Variants in LYPLA1 observed in about 807,000 individuals in gnomAD.
LYPLA1 encodes the protein acyl-protein thioesterase 1.
A neutral mutation model predicts 34.0 loss-of-function variants in LYPLA1; 17 were observed. The ratio of observed to expected loss-of-function variants is 0.50; its 90% CI spans 0.34 to 0.75. The LOEUF (loss-of-function observed/expected upper bound fraction) is 0.75. Ranked by LOEUF, LYPLA1 falls within the 30% of genes least tolerant of loss-of-function variation. The probability of loss-of-function intolerance (pLI) is 0.01; values close to 1 mark genes in which losing one functional copy is unlikely to be tolerated. For missense variants in LYPLA1, 203 were observed against 288.8 expected (o/e 0.70, Z 2.15); for synonymous variants, 98 against 100.8 (o/e 0.97, Z 0.17).
intron 6 of LYPLA1, chr8:54,052,969 C>T (rs1805950841): frequency 6.2e-6 from 3 of 480,900 alleles, no homozygotes; most frequent in East Asian, 2.9e-5. Flanking sequence ...TCCTTTCCGA[C>T]GAGACATAGT....
At chr8:54,073,217 A>G in intron 2 of LYPLA1, 1 of 802,784 alleles carries the variant, frequency 1.2e-6, no homozygotes, top group Non-Finnish European at 2.3e-6. Context: ...CCGCCCAGGG[A>G]GATACAGGAC....
In LYPLA1 at chr8:54,068,551, A is replaced by G. The variant is rs546081387; in HGVS notation, c.102-2738T>C. On this transcript the variant is annotated intron_variant, in intron 2 of 8. Transcript: ENST00000316963. ...ACCGAAAATCCAGAAATAAAACCTCACATTTACTGTCAAACTTATTTCTGA... is the reference window on the plus strand; with the variant it reads ...ACCGAAAATCCAGAAATAAAACCTCGCATTTACTGTCAAACTTATTTCTGA... Among the ~76,000 whole-genome samples, 3 of 152,326 alleles carry G rather than the reference A, an allele frequency of 2.0e-5. No homozygotes were observed. In the East Asian group the frequency reaches 5.8e-4, roughly 29 times the overall value.
intron 2 of LYPLA1, chr8:54,073,232 A>T (rs1807627856): frequency 1.2e-6 from 1 of 841,870 alleles, no homozygotes; most frequent in African/African-American, 1.7e-5. Context: ...CAGGACAGTA[A>T]GGAACTAAAC....
chr8:54,086,636 G>A (rs1416002322), intron 2 of LYPLA1, among the ~76,000 whole-genome samples: 1 of 151,538 alleles, frequency 6.6e-6, no homozygotes, highest in African/African-American at 2.4e-5. Flanking sequence ...CCCAAAGTGG[G>A]GGGATTGCTT....
chr8:54,075,428 A>G (rs1453371263), intron 2 of LYPLA1, among the ~76,000 whole-genome samples: 1 of 152,200 alleles, frequency 6.6e-6, no homozygotes, highest in Non-Finnish European at 1.5e-5. Context: ...GAGCATCCCG[A>G]GGGCCCCCTG....
Position 54,101,776 on chromosome 8 carries a change from G to T in LYPLA1, c.48C>A (p.Ala16=). 1 of 1,299,512 alleles carries T rather than the reference G, an allele frequency of 7.7e-7. No homozygotes were observed. The highest frequency in any genetic ancestry group is 9.8e-7 in the Non-Finnish European group (1 of 1,015,744). The allele number at this position is 1,299,512 out of a possible 1,614,324, so 80.5% of individuals were successfully genotyped here. A position where few individuals can be genotyped will look rare whatever the true frequency, so the allele number is the denominator to read the frequency against. The change falls in exon 1 of 9, where the codon GCC becomes GCA. Residue 16 remains alanine (A), a synonymous_variant. Transcript: ENST00000316963. ...MSTPLPAIVP[A]ARKATAAVIF... ...TCACCGCAGCGGTGGCCTTCCGGGC[G>T]GCGGGCACGATGGCGGGCAGCGGGG...
At chr8:54,052,071 G>C (rs951620495) in intron 7 of LYPLA1, among the ~76,000 whole-genome samples, 3 of 150,316 alleles carry the variant, frequency 2.0e-5, no homozygotes, top group Non-Finnish European at 3.0e-5. Flanking sequence ...GGCTGGTCTT[G>C]AACTCCTGAC....
intron 2 of LYPLA1, among the ~76,000 whole-genome samples, chr8:54,091,531 AAAAAGAAAAG>A (rs1182472513): frequency 7.0e-6 from 1 of 142,408 alleles, no homozygotes; most frequent in South Asian, 2.1e-4. Context: ...AAAGAAAAGA[AAAAAGAAAAG>A]AAAAGAAAAG....
At position 54,051,440 on chromosome 8, in the gene LYPLA1, A is replaced by AT. The variant is rs200769802; in HGVS notation, c.463-253dup. Among the ~76,000 whole-genome samples the AT allele has an allele frequency of 7.9e-3, 1,208 of 152,050 alleles. 16 individuals carry two copies. Among genetic ancestry groups the AT allele is most frequent in the African/African-American group, 0.027 (1,121 of 41,474 alleles). ...GTTCCTTGAAGCAGATTATATATAC[A>AT]TTTTTTTGTTTCGTTTAGTTTTTTT... On this transcript the variant is annotated intron_variant, in intron 7 of 8. Transcript: ENST00000316963.
intron 2 of LYPLA1, among the ~76,000 whole-genome samples, chr8:54,066,270 TA>T (rs1807061723): frequency 6.6e-6 from 1 of 152,066 alleles, no homozygotes; most frequent in African/African-American, 2.4e-5. Context: ...CCCTCAATAC[TA>T]TTAAAACAAC....
At chr8:54,064,590 C>T (rs2129334668) in intron 3 of LYPLA1, among the ~76,000 whole-genome samples, 1 of 152,290 alleles carries the variant, frequency 6.6e-6, no homozygotes, top group Non-Finnish European at 1.5e-5. Context: ...TGTTATTCTT[C>T]TTCCCATTCC....
intron 8 of LYPLA1, among the ~76,000 whole-genome samples, chr8:54,050,050 C>T (rs1035963034): frequency 6.6e-6 from 1 of 152,154 alleles, no homozygotes; most frequent in African/African-American, 2.4e-5. Flanking sequence ...AAAGTTCTAT[C>T]CCTGAGCTTT....
intron 2 of LYPLA1, among the ~76,000 whole-genome samples, chr8:54,080,413 C>T (rs1240387302): frequency 1.2e-4 from 18 of 152,138 alleles, no homozygotes; most frequent in Admixed American, 1.2e-3. Flanking sequence ...TAAAATAAAG[C>T]TTCAATTATG....
At position 54,100,848 on chromosome 8, in the gene LYPLA1, T is replaced by C. The variant is rs749473017; in HGVS notation, c.101+60A>G. 1.4e-5 allele frequency: 19 copies of C among 1,382,830 alleles called. 1 individual carries two copies. The highest frequency in any genetic ancestry group is 1.8e-5 in the Non-Finnish European group (17 of 971,046). 85.7% of individuals were successfully genotyped at this position (1,382,830 alleles called of 1,614,324 possible). On this transcript the variant is annotated intron_variant, in intron 2 of 8. Transcript: ENST00000316963. ...CTTAAACATTAAACCTTTGAACGCG[T>C]AAACAAAAGTTGCATGACCCAGTTT... is the stretch of plus-strand genomic sequence containing the variant.
chr8:54,062,812 A>G (rs889976357), intron 4 of LYPLA1, among the ~76,000 whole-genome samples: 6 of 152,154 alleles, frequency 3.9e-5, no homozygotes, highest in African/African-American at 1.4e-4. Flanking sequence ...ATGCCCGGCT[A>G]AAGTCATCGT....
intron 2 of LYPLA1, among the ~76,000 whole-genome samples, chr8:54,076,980 G>A (rs1807955580): frequency 6.6e-6 from 1 of 151,980 alleles, no homozygotes; most frequent in Admixed American, 6.6e-5. Context: ...AGCACCGCTG[G>A]GTTAGGGTCT....
intron 2 of LYPLA1, among the ~76,000 whole-genome samples, chr8:54,067,177 T>C (rs1807124834): frequency 6.6e-6 from 1 of 151,844 alleles, no homozygotes; most frequent in Admixed American, 6.6e-5. Flanking sequence ...TCAAAATAAA[T>C]AAATAAGTGA....
chr8:54,077,614 G>A (rs1352529524), intron 2 of LYPLA1, among the ~76,000 whole-genome samples: 3 of 152,016 alleles, frequency 2.0e-5, no homozygotes, highest in African/African-American at 7.3e-5. Context: ...TGGCCAACAT[G>A]GCGAAACCCC....
At chr8:54,076,521 G>A (rs1398875685) in intron 2 of LYPLA1, among the ~76,000 whole-genome samples, 1 of 144,900 alleles carries the variant, frequency 6.9e-6, no homozygotes, top group Admixed American at 6.6e-5. Context: ...AGACATGTTG[G>A]GAGCAAGCCC....
Sources: gnomAD v4.1 joint callset for allele counts (sites outside exome capture counted in the v4.1 genomes callset) on GRCh38, gnomAD v4.1.1 for gene constraint, MANE v1.5 for transcripts, NCBI Gene and HGNC (gene_info 2026-07-23, HGNC 2026-07-21) for gene names.